Variants in BTBD1 observed in about 807,000 individuals in gnomAD.
BTBD1 encodes the protein BTB/POZ domain-containing protein 1.
BTBD1 carries 34 observed loss-of-function variants against 48.0 expected under a neutral mutation model. The ratio of observed to expected loss-of-function variants is 0.71; its 90% CI spans 0.54 to 0.94. The LOEUF (loss-of-function observed/expected upper bound fraction) is 0.94. Ranked by LOEUF, BTBD1 falls within the 40% of genes least tolerant of loss-of-function variation. The pLI is 0.00. For synonymous variants in BTBD1, 261 were observed against 242.1 expected, an observed-to-expected ratio of 1.08 and a Z score of -0.72; for missense variants, 543 against 625.6, an observed-to-expected ratio of 0.87 and a Z score of 1.41.
chr15:83,025,545 C>T (rs901601311), intron 5 of BTBD1, among the ~76,000 whole-genome samples: 6 of 151,988 alleles, frequency 3.9e-5, no homozygotes, highest in Non-Finnish European at 8.8e-5. Context: ...ATAGTTCTTA[C>T]TGGGTTTAAT....
chr15:83,030,850 T>G (rs1335077308), intron 4 of BTBD1: 1 of 151,586 alleles, frequency 6.6e-6, no homozygotes, highest in Non-Finnish European at 1.5e-5. Flanking sequence ...TGGGAGAAAA[T>G]ATTTGCAAAC....
intron 3 of BTBD1, among the ~76,000 whole-genome samples, chr15:83,045,632 G>T (rs1196671622): frequency 6.6e-6 from 1 of 152,068 alleles, no homozygotes; most frequent in Non-Finnish European, 1.5e-5. Context: ...CACAGGAGAG[G>T]CTTAATACCA....
rs1477793657 is a variant in BTBD1 at position 83,017,119 on chromosome 15, T to A, written c.*948A>T. On this transcript the variant is annotated 3_prime_UTR_variant, in exon 8 of 8. Transcript: ENST00000261721. ...AAATTTTACTTCCTAAATAGAAATG[T>A]GTAGGTGGCAGAAAGCGTATTTTTC... 1 of 152,632 alleles carries A rather than the reference T, an allele frequency of 6.6e-6. No individual in the cohort carries two copies. The highest frequency in any genetic ancestry group is 1.5e-5 in the Non-Finnish European group (1 of 68,044). 9.5% of individuals were successfully genotyped at this position (152,632 alleles called of 1,614,324 possible).
chr15:83,058,584 G>A (rs973413909), intron 1 of BTBD1, among the ~76,000 whole-genome samples: 10 of 151,610 alleles, frequency 6.6e-5, no homozygotes, highest in African/African-American at 1.9e-4. Flanking sequence ...ACTCTAGCCC[G>A]GCCAACAAAG....
chr15:83,030,308 A>G lies in BTBD1; in HGVS notation c.883T>C (p.Leu295=), dbSNP rs144118813. Residue 295 remains leucine, a synonymous_variant, in exon 5 of 8, where the codon TTG becomes CTG. Coordinates refer to ENST00000261721, the MANE Select transcript of BTBD1 (RefSeq NM_025238.4). ...FAAGPAQSGI[L]SDREVVNLFL... is the part of the protein sequence containing the mutation. ...AGGTTTACCACTTCACGATCTGACA[A>G]AATTCCAGATTGAGCAGGACCTGTG... The G allele has an allele frequency of 1.2e-6, 2 of 1,614,066 alleles. No homozygotes were observed. Among genetic ancestry groups the G allele is most frequent in the South Asian group, 2.2e-5 (2 of 91,082 alleles).
At chr15:83,030,400 G>A (rs1038906686) in intron 4 of BTBD1, 72 bp from the exon 5 acceptor site, 6 of 1,302,428 alleles carry the variant, frequency 4.6e-6, no homozygotes, top group South Asian at 1.3e-5. Context: ...TTCACTTAAC[G>A]TAAATTCAAA....
intron 4 of BTBD1, 55 bp downstream of exon 4, chr15:83,041,673 C>A: frequency 6.4e-7 from 1 of 1,550,822 alleles, no homozygotes; most frequent in East Asian, 2.2e-5. Flanking sequence ...CAGGCCCAGC[C>A]CTGACAGACT....
rs1163626070 is a variant in BTBD1 at position 83,016,848 on chromosome 15, T to C, written c.*1219A>G. 6.6e-6 allele frequency: 1 copy of C among 152,212 alleles called. No homozygotes were observed. Among genetic ancestry groups the C allele is most frequent in the Non-Finnish European group, 1.5e-5 (1 of 68,038 alleles). The allele number at this position is 152,212 out of a possible 1,614,324, so 9.4% of individuals were successfully genotyped here. A position where few individuals can be genotyped will look rare whatever the true frequency, so the allele number is the denominator to read the frequency against. On this transcript the variant is annotated 3_prime_UTR_variant, in exon 8 of 8. Transcript: ENST00000261721. ...CTTTAGATGAAAATTTTTTGTATCT[T>C]ACTTAGAAAAAATTAAGTTGATATT...
At chr15:83,041,166 AAG>A (rs1276738335) in intron 4 of BTBD1, among the ~76,000 whole-genome samples, 3 of 151,212 alleles carry the variant, frequency 2.0e-5, no homozygotes, top group Admixed American at 6.6e-5. Context: ...AAAGAAAAAA[AAG>A]AAAAAAAAAA....
intron 3 of BTBD1, among the ~76,000 whole-genome samples, chr15:83,048,125 A>T (rs2032912677): frequency 6.6e-6 from 1 of 152,236 alleles, no homozygotes; most frequent in Non-Finnish European, 1.5e-5. Context: ...TATTCAAAGT[A>T]GAGCCATGAG....
intron 5 of BTBD1, among the ~76,000 whole-genome samples, chr15:83,027,828 T>G (rs917169086): frequency 6.6e-6 from 1 of 152,204 alleles, no homozygotes; most frequent in Non-Finnish European, 1.5e-5. Context: ...ATAACACGCC[T>G]GTACTGTGCA....
At chr15:83,053,519 T>G (rs1392541434) in intron 2 of BTBD1, among the ~76,000 whole-genome samples, 1 of 152,236 alleles carries the variant, frequency 6.6e-6, no homozygotes, top group African/African-American at 2.4e-5. Context: ...CTGGTCCTAC[T>G]GAACCAGTAT....
Position 83,018,938 on chromosome 15 carries a change from G to A in BTBD1, c.1144-85C>T, listed in dbSNP as rs2032228567. 8.1e-5 allele frequency: 64 copies of A among 792,920 alleles called. No individual in the cohort carries two copies. The South Asian group carries it at 1.3e-3, about 17-fold the overall frequency. The allele number at this position is 792,920 out of a possible 1,614,324, so 49.1% of individuals were successfully genotyped here. Reference sequence around the variant, plus strand: ...AATAATATAAAGCCCTTAGCAATGTGTGCGTGTGTGTTTTGAGACAGACTC... The same window carrying A: ...AATAATATAAAGCCCTTAGCAATGTATGCGTGTGTGTTTTGAGACAGACTC... On this transcript the variant is annotated intron_variant, in intron 6 of 7. Transcript: ENST00000261721.
intron 4 of BTBD1, among the ~76,000 whole-genome samples, chr15:83,038,001 T>C (rs1461285695): frequency 1.3e-5 from 2 of 152,148 alleles, no homozygotes; most frequent in Non-Finnish European, 2.9e-5. Flanking sequence ...GGAGAATCTC[T>C]TGAACCCGGG....
Position 83,018,827 on chromosome 15 carries a change from G to A in BTBD1, c.1170C>T (p.Thr390=), listed in dbSNP as rs2032224724. The A allele has an allele frequency of 6.2e-7, 1 of 1,613,490 alleles. No homozygotes were observed. The highest frequency in any genetic ancestry group is 1.3e-5 in the African/African-American group (1 of 74,856). Residue 390 remains threonine, a synonymous_variant, in exon 7 of 8, where the codon ACC becomes ACT. Transcript: ENST00000261721. ...TAAAGCCGGTATCATTCTGTCCCAGGGTTTGCTTTTTCTCATATTCAATGA... is the reference window on the plus strand; with the variant it reads ...TAAAGCCGGTATCATTCTGTCCCAGAGTTTGCTTTTTCTCATATTCAATGA... The part of the protein sequence containing the change: ...IQIIEYEKKQ[T]LGQNDTGFSC...
chr15:83,060,820 A>C (rs1181753518), intron 1 of BTBD1, among the ~76,000 whole-genome samples: 1 of 152,166 alleles, frequency 6.6e-6, no homozygotes, highest in Non-Finnish European at 1.5e-5. Context: ...AAAATAAAGT[A>C]AATTTTAAAA....
Position 83,018,180 on chromosome 15 carries a change from G to A in BTBD1, c.1336C>T (p.His446Tyr). 6.2e-7 allele frequency: 1 copy of A among 1,610,898 alleles called. No homozygotes were observed. The highest frequency in any genetic ancestry group is 8.5e-7 in the Non-Finnish European group (1 of 1,178,572). Reference sequence around the variant, plus strand: ...GTCTTGCTTGCAGCAGGTGTCTCATGCACTACTTTCTTCAATCCTTTTGTG... The same window carrying A: ...GTCTTGCTTGCAGCAGGTGTCTCATACACTACTTTCTTCAATCCTTTTGTG... ...YGTKGLKKVV[H>Y]ETPAASKTVF... Residue 446 changes from histidine (H) to tyrosine (Y), a missense_variant, in exon 8 of 8, where the codon CAT becomes TAT. Physicochemically the swap from His to Tyr is moderately conservative, Grantham distance 83. This residue lies in a region of BTBD1 where 300 missense variants were observed against 350.0 expected (regional missense o/e 0.86). Coordinates refer to ENST00000261721, the MANE Select transcript of BTBD1 (RefSeq NM_025238.4).
intron 6 of BTBD1, 131 bp downstream of exon 6, chr15:83,020,544 T>G: frequency 1.6e-6 from 1 of 644,176 alleles, no homozygotes; most frequent in East Asian, 2.7e-5. Flanking sequence ...TCTTTATGCT[T>G]ACAATGCTAC....
At chr15:83,044,323 G>A (rs2032827443) in intron 3 of BTBD1, 13 of 1,104,868 alleles carry the variant, frequency 1.2e-5, no homozygotes, top group African/African-American at 3.1e-5. Flanking sequence ...AGCTGCCCAC[G>A]CCGACGGCAA....
Sources: allele counts gnomAD v4.1 joint callset (sites outside exome capture counted in the v4.1 genomes callset), GRCh38; gene constraint gnomAD v4.1.1; regional missense constraint gnomAD v4.1.1; transcripts MANE v1.5; gene names NCBI Gene and HGNC (gene_info 2026-07-23, HGNC 2026-07-21).